Variants in EVC2 observed in about 807,000 individuals in gnomAD.
EVC2 encodes EvC ciliary complex subunit 2.
In EVC2, 148 loss-of-function variants were observed where a neutral mutation model predicts 149.3. The observed-to-expected ratio is 0.99, with a 90% CI of 0.87 to 1.14. EVC2 has a LOEUF of 1.14. Ranked by LOEUF, EVC2 falls within the 50% of genes most tolerant of loss-of-function variation. EVC2 has a pLI of 0.00. For synonymous variants in EVC2, 776 were observed against 649.9 expected (o/e 1.19, Z -2.95); for missense variants, 1,854 against 1,627.3 (o/e 1.14, Z -2.40).
intron 7 of EVC2, among the ~76,000 whole-genome samples, chr4:5,672,979 CA>C (rs898753197): frequency 7.5e-4 from 114 of 152,220 alleles, no homozygotes; most frequent in African/African-American, 2.7e-3. Flanking sequence ...AGTGGTTTGC[CA>C]GGGGCTGGGG....
intron 12 of EVC2, among the ~76,000 whole-genome samples, chr4:5,627,267 A>T (rs1170316198): frequency 6.6e-6 from 1 of 152,202 alleles, no homozygotes; most frequent in Admixed American, 6.5e-5. Flanking sequence ...AAATATAATT[A>T]TGTCTTTTAA....
At chr4:5,664,816 T>C (rs764546716) in intron 8 of EVC2, among the ~76,000 whole-genome samples, 2 of 152,168 alleles carry the variant, frequency 1.3e-5, no homozygotes, top group Admixed American at 1.3e-4. Context: ...CCTCCCCTTT[T>C]GTCCTGGGAT....
At chr4:5,578,623 T>C (rs1031656931) in intron 17 of EVC2, among the ~76,000 whole-genome samples, 1 of 151,722 alleles carries the variant, frequency 6.6e-6, no homozygotes, top group East Asian at 1.9e-4. Context: ...AATACATACA[T>C]AGATGTTGAT....
At chr4:5,601,860 G>C (rs1714006439) in intron 16 of EVC2, among the ~76,000 whole-genome samples, 1 of 152,168 alleles carries the variant, frequency 6.6e-6, no homozygotes, top group Non-Finnish European at 1.5e-5. Context: ...GAGGCACAGA[G>C]GTCAGTTTCC....
intron 9 of EVC2, among the ~76,000 whole-genome samples, chr4:5,649,050 CG>C (rs1717926663): frequency 6.6e-6 from 1 of 152,160 alleles, no homozygotes; most frequent in African/African-American, 2.4e-5. Context: ...ATGAAATACA[CG>C]TATTTTTCCA....
the EVC2 span, among the ~76,000 whole-genome samples, chr4:5,530,749 C>G: frequency 6.6e-6 from 1 of 152,194 alleles, no homozygotes; most frequent in African/African-American, 2.4e-5. Context: ...AGCTGACTAC[C>G]TCATAAGGTA....
chr4:5,549,978 T>C (rs551155583), intron 21 of EVC2, among the ~76,000 whole-genome samples: 9 of 152,206 alleles, frequency 5.9e-5, no homozygotes, highest in Admixed American at 3.9e-4. Context: ...CTGTCATCCA[T>C]GTAATATGTG....
chr4:5,662,915 G>A (rs1425609944), intron 9 of EVC2, among the ~76,000 whole-genome samples, 192 bp downstream of exon 9: 1 of 151,578 alleles, frequency 6.6e-6, no homozygotes, highest in African/African-American at 2.4e-5. Context: ...CTTCCTTAGA[G>A]CAGGAAGTAT....
intron 7 of EVC2, among the ~76,000 whole-genome samples, chr4:5,678,315 C>T (rs1560217792): frequency 6.6e-6 from 1 of 152,150 alleles, no homozygotes; most frequent in Admixed American, 6.5e-5. Flanking sequence ...AGGAGCCTCC[C>T]TGGTAGATAA....
chr4:5,671,645 G>C (rs1267275300), intron 7 of EVC2, among the ~76,000 whole-genome samples: 1 of 152,116 alleles, frequency 6.6e-6, no homozygotes, highest in African/African-American at 2.4e-5. Flanking sequence ...CCAAGTAGCT[G>C]GGATTACAGG....
intron 9 of EVC2, among the ~76,000 whole-genome samples, chr4:5,654,351 C>A (rs1295223213): frequency 6.6e-6 from 1 of 152,178 alleles, no homozygotes; most frequent in Non-Finnish European, 1.5e-5. Flanking sequence ...CTCTCAGAAG[C>A]TCCTCTTTTA....
intron 16 of EVC2, among the ~76,000 whole-genome samples, chr4:5,594,223 T>A (rs1002652626): frequency 6.6e-6 from 1 of 152,136 alleles, no homozygotes; most frequent in African/African-American, 2.4e-5. Flanking sequence ...GACCAGTGGT[T>A]CTCCCAGCAC....
At chr4:5,583,879 G>A (rs1300317522) in intron 17 of EVC2, among the ~76,000 whole-genome samples, 1 of 147,072 alleles carries the variant, frequency 6.8e-6, no homozygotes, top group Admixed American at 6.9e-5. Flanking sequence ...TTTTTGAGAC[G>A]GAGTCTTGCT....
chr4:5,667,250 T>A (rs955349985), intron 7 of EVC2, among the ~76,000 whole-genome samples: 1 of 152,050 alleles, frequency 6.6e-6, no homozygotes, highest in Non-Finnish European at 1.5e-5. Flanking sequence ...TCCTCCAGAA[T>A]TTTATTTGAA....
At position 5,625,621 on chromosome 4, in the gene EVC2, T is replaced by C; in HGVS notation, c.2046+128A>G. On this transcript the variant is annotated intron_variant, in intron 13 of 21. Transcript: ENST00000344408. This position sits in a 1 kb window ranked among gnomAD's most constrained non-coding sequence, Gnocchi z 4.0. ...CTACCAATCAACAGTAGATGGCACA[T>C]CATGGTGCCTGCCCAGCTGCCCTTC... The C allele has an allele frequency of 1.6e-6, 2 of 1,243,190 alleles. No individual in the cohort carries two copies. Among genetic ancestry groups the C allele is most frequent in the Non-Finnish European group, 2.3e-6 (2 of 875,800 alleles). The allele number at this position is 1,243,190 out of a possible 1,614,324, so 77.0% of individuals were successfully genotyped here.
intron 21 of EVC2, among the ~76,000 whole-genome samples, chr4:5,547,324 G>A (rs1721641847): frequency 6.6e-6 from 1 of 152,242 alleles, no homozygotes; most frequent in Non-Finnish European, 1.5e-5. Context: ...GCCTGCAGGT[G>A]CCTCTTGGCA....
At chr4:5,592,517 T>C (rs970858609) in intron 16 of EVC2, among the ~76,000 whole-genome samples, 19 of 152,158 alleles carry the variant, frequency 1.2e-4, no homozygotes, top group Non-Finnish European at 2.2e-4. Context: ...GATGGTCAAG[T>C]GGTTGTTAAC....
intron 16 of EVC2, among the ~76,000 whole-genome samples, chr4:5,598,384 G>C (rs1713652652): frequency 1.3e-5 from 2 of 150,276 alleles, no homozygotes; most frequent in African/African-American, 2.4e-5. Flanking sequence ...TAGATCAATG[G>C]AACAGAACAG....
At chr4:5,589,590 T>C (rs2108794860) in intron 16 of EVC2, among the ~76,000 whole-genome samples, 1 of 152,276 alleles carries the variant, frequency 6.6e-6, no homozygotes, top group Middle Eastern at 3.4e-3. Flanking sequence ...ACCTGCTGGG[T>C]TCCTTCTTGC....
Sources: allele counts gnomAD v4.1 joint callset (sites outside exome capture counted in the v4.1 genomes callset), GRCh38; gene constraint gnomAD v4.1.1; non-coding constraint Gnocchi (gnomAD v3.1); transcripts MANE v1.5; gene names NCBI Gene and HGNC (gene_info 2026-07-23, HGNC 2026-07-21).